PDZRN4: variants seen among roughly 807,000 people sequenced by gnomAD.
PDZRN4 encodes the protein PDZ domain-containing RING finger protein 4.
A neutral mutation model predicts 99.0 loss-of-function variants in PDZRN4; 70 were observed. That is an observed-to-expected ratio of 0.71 (90% CI 0.58 to 0.86). The LOEUF is 0.86. Among genes scored for constraint, PDZRN4 ranks in the 40% least tolerant of loss-of-function variants. PDZRN4 has a pLI of 0.00. For synonymous variants in PDZRN4, 551 were observed against 501.6 expected, an observed-to-expected ratio of 1.10 and a Z score of -1.32; for missense variants, 1,474 against 1,331.2, an observed-to-expected ratio of 1.11 and a Z score of -1.67.
At chr12:41,396,618 G>A (rs73274468) in intron 3 of PDZRN4, among the ~76,000 whole-genome samples, 5,443 of 152,184 alleles carry the variant, frequency 0.036, 331 homozygotes, top group African/African-American at 0.12. Flanking sequence ...TGATCAAGGC[G>A]TTGGCTGGGG....
At chr12:41,372,575 G>A (rs1310575182) in intron 3 of PDZRN4, among the ~76,000 whole-genome samples, 1 of 152,126 alleles carries the variant, frequency 6.6e-6, no homozygotes, top group Non-Finnish European at 1.5e-5. Context: ...GAAGAGTCAG[G>A]TATACCAGAG....
intron 3 of PDZRN4, among the ~76,000 whole-genome samples, chr12:41,421,073 T>A (rs1952485112): frequency 6.6e-6 from 1 of 152,224 alleles, no homozygotes; most frequent in Non-Finnish European, 1.5e-5. Context: ...AAACCTCTTG[T>A]TCCTACCTCT....
chr12:41,453,828 C>A (rs1310909414), intron 3 of PDZRN4, among the ~76,000 whole-genome samples: 2 of 151,194 alleles, frequency 1.3e-5, no homozygotes, highest in Non-Finnish European at 2.9e-5. Flanking sequence ...GGGGTTTCCC[C>A]CATTTATTAA....
intron 3 of PDZRN4, among the ~76,000 whole-genome samples, chr12:41,428,538 CAG>C (rs552522482): frequency 8.0e-4 from 122 of 152,258 alleles, no homozygotes; most frequent in African/African-American, 2.3e-3. Flanking sequence ...ACCAAAAAGA[CAG>C]AGTCATGTTA....
intron 3 of PDZRN4, among the ~76,000 whole-genome samples, 167 bp downstream of exon 3, chr12:41,194,355 C>T (rs193036077): frequency 6.6e-6 from 1 of 152,298 alleles, no homozygotes; most frequent in African/African-American, 2.4e-5. Flanking sequence ...GTAAAAGTCA[C>T]TGGGAGAGGT....
chr12:41,234,636 A>G (rs1031385012), intron 3 of PDZRN4, among the ~76,000 whole-genome samples: 1 of 152,144 alleles, frequency 6.6e-6, no homozygotes. Context: ...CTAAATGTAC[A>G]TATTAGTCAT....
intron 3 of PDZRN4, among the ~76,000 whole-genome samples, chr12:41,300,714 C>G (rs1008181158): frequency 1.3e-5 from 2 of 151,960 alleles, no homozygotes; most frequent in African/African-American, 2.4e-5. Flanking sequence ...TAGGGCCTTT[C>G]ACATACTGGT....
intron 3 of PDZRN4, among the ~76,000 whole-genome samples, chr12:41,469,119 T>A (rs2120560968): frequency 6.6e-6 from 1 of 152,324 alleles, no homozygotes; most frequent in South Asian, 2.1e-4. Context: ...TACAGTGAGA[T>A]ACTAGGCAAA....
At chr12:41,219,694 G>A (rs1349318883) in intron 3 of PDZRN4, among the ~76,000 whole-genome samples, 1 of 152,106 alleles carries the variant, frequency 6.6e-6, no homozygotes, top group Non-Finnish European at 1.5e-5. Flanking sequence ...TTCACGAAGT[G>A]TATGAAGAAG....
intron 3 of PDZRN4, among the ~76,000 whole-genome samples, chr12:41,220,469 A>C (rs1313596505): frequency 1.3e-5 from 2 of 152,148 alleles, no homozygotes; most frequent in Admixed American, 6.6e-5. Context: ...CAACATACAA[A>C]TTTGGCCAGG....
intron 3 of PDZRN4, among the ~76,000 whole-genome samples, chr12:41,424,382 T>C (rs998999135): frequency 2.0e-5 from 3 of 152,168 alleles, no homozygotes; most frequent in African/African-American, 7.2e-5. Context: ...TGCATATGTA[T>C]GATTAAACAC....
At chr12:41,511,498 G>A (rs568592436) in intron 5 of PDZRN4, among the ~76,000 whole-genome samples, 9 of 152,096 alleles carry the variant, frequency 5.9e-5, no homozygotes, top group African/African-American at 1.2e-4. Flanking sequence ...CTGTGATTCC[G>A]TTGCCAAAGG....
chr12:41,192,398 C>G (rs984373194), intron 2 of PDZRN4, among the ~76,000 whole-genome samples: 2 of 152,198 alleles, frequency 1.3e-5, no homozygotes, highest in African/African-American at 4.8e-5. Context: ...CTGCACCTGG[C>G]CTTTATTTTT....
intron 5 of PDZRN4, among the ~76,000 whole-genome samples, chr12:41,524,066 A>T (rs767318398): frequency 2.2e-4 from 33 of 152,194 alleles, no homozygotes; most frequent in Admixed American, 2.6e-4. Context: ...TACACTAACA[A>T]GGAACTGTCT....
intron 3 of PDZRN4, among the ~76,000 whole-genome samples, chr12:41,204,049 C>A (rs1950833227): frequency 6.6e-6 from 1 of 151,912 alleles, no homozygotes; most frequent in African/African-American, 2.4e-5. Flanking sequence ...GGGCTTGTAG[C>A]AAATAAATGC....
At chr12:41,307,811 T>C (rs1253582698) in intron 3 of PDZRN4, among the ~76,000 whole-genome samples, 1 of 152,152 alleles carries the variant, frequency 6.6e-6, no homozygotes, top group African/African-American at 2.4e-5. Context: ...TACCTTGTGA[T>C]GTGTCAACCA....
chr12:41,483,007 G>T (rs753924269), intron 3 of PDZRN4, among the ~76,000 whole-genome samples: 10 of 151,598 alleles, frequency 6.6e-5, no homozygotes, highest in Non-Finnish European at 1.3e-4. Flanking sequence ...AATTCATATT[G>T]ATATTAAAAA....
At chr12:41,302,653 C>G (rs989643349) in intron 3 of PDZRN4, among the ~76,000 whole-genome samples, 4 of 151,950 alleles carry the variant, frequency 2.6e-5, no homozygotes, top group African/African-American at 4.8e-5. Context: ...TTGCACAGTG[C>G]GTTTTGGGAA....
chr12:41,347,291 C>T (rs1179629355), intron 3 of PDZRN4, among the ~76,000 whole-genome samples: 1 of 152,054 alleles, frequency 6.6e-6, no homozygotes, highest in Non-Finnish European at 1.5e-5. Context: ...CTAGTTTCAC[C>T]ATATTTTCTT....
Sources: gnomAD v4.1 joint callset for allele counts (sites outside exome capture counted in the v4.1 genomes callset) on GRCh38, gnomAD v4.1.1 for gene constraint, MANE v1.5 for transcripts, NCBI Gene and HGNC (gene_info 2026-07-23, HGNC 2026-07-21) for gene names.